Variants in OTOP1 observed in about 807,000 individuals in gnomAD.
The protein encoded by OTOP1 is otopetrin 1, also known as proton channel OTOP1.
Under a neutral mutation model 52.9 loss-of-function variants are expected in OTOP1, and 59 were observed. The observed-to-expected ratio is 1.12, with a 90% CI of 0.91 to 1.39. The LOEUF is 1.39. Ranked by LOEUF, OTOP1 falls within the 40% of genes most tolerant of loss-of-function variation. OTOP1 has a pLI of 0.00. For synonymous variants in OTOP1, 317 were observed against 337.7 expected (o/e 0.94, Z 0.67); for missense variants, 761 against 800.9 (o/e 0.95, Z 0.60).
chr4:4,191,830 AT>A (rs1716515953), intron 5 of OTOP1, among the ~76,000 whole-genome samples: 3 of 152,174 alleles, frequency 2.0e-5, no homozygotes. Context: ...GATCTTGGTC[AT>A]TGCTGTACCC....
At position 4,188,844 on chromosome 4, in the gene OTOP1, G is replaced by A; in HGVS notation, c.1798C>T (p.His600Tyr). The A allele has an allele frequency of 6.2e-7, 1 of 1,613,866 alleles. No individual in the cohort carries two copies. Among genetic ancestry groups the A allele is most frequent in the African/African-American group, 1.3e-5 (1 of 75,046 alleles). ...AMPFSIFYRMHAAASLFEVYC... is the reference protein window; with the variant it reads ...AMPFSIFYRMYAAASLFEVYC... ...ACCTCAAAGAGGGAGGCAGCTGCGT[G>A]CATTCGATAGAAAATAGAAAAAGGC... is the stretch of plus-strand genomic sequence containing the variant. The change falls in exon 6 of 6, where the codon CAC becomes TAC. Residue 600 changes from histidine to tyrosine, a missense_variant. Physicochemically the swap from His to Tyr is moderately conservative, Grantham distance 83. This residue lies in a region of OTOP1 where 632 missense variants were observed against 619.5 expected (regional missense o/e 1.02). Coordinates refer to ENST00000296358, the MANE Select transcript of OTOP1 (RefSeq NM_177998.3).
At chr4:4,196,141 C>A (rs537522884) in intron 5 of OTOP1, among the ~76,000 whole-genome samples, 1 of 152,102 alleles carries the variant, frequency 6.6e-6, no homozygotes, top group African/African-American at 2.4e-5. Flanking sequence ...GTATTATGGA[C>A]GGTACAGTGG....
Position 4,197,663 on chromosome 4 carries a change from A to G in OTOP1, c.1171T>C (p.Ser391Pro). 6.2e-7 allele frequency: 1 copy of G among 1,613,644 alleles called. No individual in the cohort carries two copies. The highest frequency in any genetic ancestry group is 2.2e-5 in the East Asian group (1 of 44,868). ...ESKNPARKLD[S>P]DLLVGTASGS... Reference sequence around the variant, plus strand: ...GAGGCAGTGCCCACCAAGAGGTCCGAGTCCAGTTTGCGGGCCGGATTTTTG... The same window carrying G: ...GAGGCAGTGCCCACCAAGAGGTCCGGGTCCAGTTTGCGGGCCGGATTTTTG... The change falls in exon 5 of 6, where the codon TCG becomes CCG. Residue 391 changes from serine to proline, a missense_variant. Around this residue, in one of 3 missense-constraint regions of OTOP1, gnomAD observed 632 missense variants for 619.5 expected, o/e 1.02. Transcript: ENST00000296358.
chr4:4,206,896 A>G (rs1449912687), intron 2 of OTOP1, among the ~76,000 whole-genome samples: 3 of 152,202 alleles, frequency 2.0e-5, no homozygotes, highest in Non-Finnish European at 4.4e-5. Flanking sequence ...TCACTAATTT[A>G]CTGAAATTGT....
chr4:4,204,806 C>T (rs1411219872), intron 3 of OTOP1, among the ~76,000 whole-genome samples: 6 of 152,018 alleles, frequency 3.9e-5, no homozygotes, highest in Non-Finnish European at 2.9e-5. Context: ...GAATCTCGCT[C>T]TGTTGCCCAC....
chr4:4,224,993 C>T (rs975566978), intron 1 of OTOP1, among the ~76,000 whole-genome samples: 1 of 152,176 alleles, frequency 6.6e-6, no homozygotes, highest in East Asian at 1.9e-4. Flanking sequence ...GTTTGAGATC[C>T]CCATTCTACA....
chr4:4,202,049 T>C (rs1397579048), intron 4 of OTOP1, among the ~76,000 whole-genome samples: 3 of 152,200 alleles, frequency 2.0e-5, no homozygotes, highest in Non-Finnish European at 2.9e-5. Flanking sequence ...TAGACTCCTA[T>C]GAATTTTTAA....
intron 1 of OTOP1, among the ~76,000 whole-genome samples, chr4:4,219,585 T>C (rs1446350480): frequency 1.3e-5 from 2 of 151,652 alleles, no homozygotes; most frequent in African/African-American, 4.8e-5. Context: ...GCCTCCATGC[T>C]ACTCGGTAGG....
rs558572687 is a variant in OTOP1 at position 4,224,268 on chromosome 4, A to C, written c.403+2194T>G. 3.3e-5 allele frequency among the ~76,000 whole-genome samples: 5 copies of C among 151,522 alleles called. No homozygotes were observed. The South Asian group carries it at 1.0e-3, about 32-fold the overall frequency. Reference sequence around the variant, plus strand: ...AGGCTGAGGCAGGAGAATCGTTTGAACCCGGGAGGTGGAGGTTGCAGTGAG... The same window carrying C: ...AGGCTGAGGCAGGAGAATCGTTTGACCCCGGGAGGTGGAGGTTGCAGTGAG... On this transcript the variant is annotated intron_variant, in intron 1 of 5. Coordinates refer to ENST00000296358, the MANE Select transcript of OTOP1 (RefSeq NM_177998.3).
intron 1 of OTOP1, among the ~76,000 whole-genome samples, chr4:4,217,425 C>T (rs1717177046): frequency 6.6e-6 from 1 of 152,218 alleles, no homozygotes; most frequent in African/African-American, 2.4e-5. Context: ...CCTCAAAAAC[C>T]TTACTCCCAG....
At chr4:4,223,117 T>C (rs952285849) in intron 1 of OTOP1, among the ~76,000 whole-genome samples, 7 of 152,194 alleles carry the variant, frequency 4.6e-5, no homozygotes, top group Non-Finnish European at 7.3e-5. Context: ...ACTCACTGAA[T>C]GTCTAAACAG....
chr4:4,222,401 T>G (rs1209618879), intron 1 of OTOP1, among the ~76,000 whole-genome samples: 1 of 152,082 alleles, frequency 6.6e-6, no homozygotes, highest in South Asian at 2.1e-4. Context: ...TCCTTCTCTC[T>G]TCTGGACTGA....
chr4:4,222,708 G>A (rs1258998713), intron 1 of OTOP1, among the ~76,000 whole-genome samples: 1 of 152,134 alleles, frequency 6.6e-6, no homozygotes, highest in African/African-American at 2.4e-5. Flanking sequence ...TTTTCCTGAG[G>A]GACTTGCCCT....
At position 4,197,419 on chromosome 4, in the gene OTOP1, A is replaced by G. The variant is rs745832723; in HGVS notation, c.1415T>C (p.Met472Thr). 2.5e-6 allele frequency: 4 copies of G among 1,613,906 alleles called. No individual in the cohort carries two copies. The highest frequency in any genetic ancestry group is 3.3e-4 in the Middle Eastern group (2 of 6,062). Reference protein sequence around the residue: ...RVVTVCNGNTMPLASSCPKSG... With the variant: ...RVVTVCNGNTTPLASSCPKSG... The stretch of plus-strand genomic sequence containing the variant: ...CTTGGGGCAGGAAGAAGCAAGGGGC[A>G]TGGTGTTGCCATTGCAGACTGTGAC... Residue 472 changes from methionine (M) to threonine (T), a missense_variant, in exon 5 of 6, where the codon ATG (methionine) becomes ACG (threonine). Transcript: ENST00000296358.
At chr4:4,221,038 T>G (rs533938268) in intron 1 of OTOP1, among the ~76,000 whole-genome samples, 1,639 of 141,546 alleles carry the variant, frequency 0.012, 31 homozygotes, top group African/African-American at 0.042. Flanking sequence ...ATATATTATT[T>G]TATTCTATTT....
At chr4:4,193,566 G>A (rs1262245811) in intron 5 of OTOP1, among the ~76,000 whole-genome samples, 1 of 151,996 alleles carries the variant, frequency 6.6e-6, no homozygotes, top group Non-Finnish European at 1.5e-5. Context: ...AGGTTTCAAA[G>A]TGCCACCCCA....
At chr4:4,209,477 A>G (rs1251175193) in intron 2 of OTOP1, among the ~76,000 whole-genome samples, 1 of 152,108 alleles carries the variant, frequency 6.6e-6, no homozygotes, top group South Asian at 2.1e-4. Context: ...CAACCCACCA[A>G]CTAAGAGGGA....
At chr4:4,223,813 G>A (rs965230046) in intron 1 of OTOP1, among the ~76,000 whole-genome samples, 1 of 151,720 alleles carries the variant, frequency 6.6e-6, no homozygotes, top group South Asian at 2.1e-4. Context: ...TGAGGCAGGA[G>A]AATCACTTGA....
At chr4:4,210,005 G>A (rs570687694) in intron 2 of OTOP1, among the ~76,000 whole-genome samples, 2 of 152,210 alleles carry the variant, frequency 1.3e-5, no homozygotes, top group African/African-American at 4.8e-5. Flanking sequence ...CCAAGCTGCC[G>A]AAATGCCCTC....
Sources: gnomAD v4.1 joint callset for allele counts (sites outside exome capture counted in the v4.1 genomes callset) on GRCh38, gnomAD v4.1.1 for gene constraint, gnomAD v4.1.1 regional missense constraint, MANE v1.5 for transcripts, NCBI Gene and HGNC (gene_info 2026-07-23, HGNC 2026-07-21) for gene names.